ALCAM: variants seen among roughly 807,000 people sequenced by gnomAD.
ALCAM encodes the protein CD166 antigen.
A neutral mutation model predicts 70.9 loss-of-function variants in ALCAM; 30 were observed. The ratio of observed to expected loss-of-function variants is 0.42; its 90% CI spans 0.32 to 0.57. The LOEUF (loss-of-function observed/expected upper bound fraction) is 0.57, where lower values mean the gene tolerates loss of function less well. Ranked by LOEUF, ALCAM falls within the 20% of genes least tolerant of loss-of-function variation. ALCAM has a pLI of 0.11. For missense variants in ALCAM, 591 were observed against 695.1 expected (o/e 0.85, Z 1.68); for synonymous variants, 249 against 242.5 (o/e 1.03, Z -0.25).
intron 1 of ALCAM, among the ~76,000 whole-genome samples, chr3:105,379,532 T>C (rs1051341502): frequency 6.6e-6 from 1 of 151,858 alleles, no homozygotes; most frequent in Non-Finnish European, 1.5e-5. Flanking sequence ...TAATGCACTA[T>C]ATTATTCTCA....
At chr3:105,508,243 C>T in intron 1 of ALCAM, among the ~76,000 whole-genome samples, 2 of 152,202 alleles carry the variant, frequency 1.3e-5, no homozygotes, top group South Asian at 4.1e-4. Flanking sequence ...AAACAATATT[C>T]TTGAATTATC....
chr3:105,547,068 T>C (rs1176015160), intron 9 of ALCAM, 81 bp from the exon 10 acceptor site: 1 of 1,198,792 alleles, frequency 8.3e-7, no homozygotes, highest in African/African-American at 1.6e-5. Flanking sequence ...GAAGAATTGT[T>C]TTAGGCTTAA....
chr3:105,381,297 A>G (rs776703116), intron 1 of ALCAM, among the ~76,000 whole-genome samples: 1 of 152,128 alleles, frequency 6.6e-6, no homozygotes, highest in Non-Finnish European at 1.5e-5. Flanking sequence ...GATATTATAC[A>G]TAAAGAAGAG....
chr3:105,397,070 T>C (rs1029494361), intron 1 of ALCAM, among the ~76,000 whole-genome samples: 3 of 152,100 alleles, frequency 2.0e-5, no homozygotes, highest in African/African-American at 7.2e-5. Context: ...TCCCATTTTC[T>C]ACTAAAGTTT....
chr3:105,534,659 T>C lies in ALCAM; in HGVS notation c.548-4T>C, dbSNP rs368126568. On this transcript the variant is annotated splice_polypyrimidine_tract_variant and splice_region_variant and intron_variant, in intron 5 of 15. Coordinates refer to ENST00000306107, the MANE Select transcript of ALCAM (RefSeq NM_001627.4). ...CTATCATCAGTGTTCTTTATTTTCTTCAGCGGTGGTCATAATTTTTAAAAA... is the reference window on the plus strand; with the variant it reads ...CTATCATCAGTGTTCTTTATTTTCTCCAGCGGTGGTCATAATTTTTAAAAA... 6.6e-5 allele frequency: 107 copies of C among 1,613,172 alleles called. No individual in the cohort carries two copies. The highest frequency in any genetic ancestry group is 8.8e-5 in the Non-Finnish European group (104 of 1,179,400).
intron 3 of ALCAM, among the ~76,000 whole-genome samples, chr3:105,525,704 G>A (rs1939687631): frequency 6.6e-6 from 1 of 152,144 alleles, no homozygotes; most frequent in Admixed American, 6.5e-5. Flanking sequence ...AAGCTCCTAT[G>A]GGCTCATGAT....
chr3:105,430,089 A>T (rs556748540), intron 1 of ALCAM, among the ~76,000 whole-genome samples: 3 of 152,104 alleles, frequency 2.0e-5, no homozygotes, highest in East Asian at 3.9e-4. Flanking sequence ...TTTCATGGAC[A>T]CTATATTTTT....
chr3:105,519,375 GT>G (rs1939470620), intron 1 of ALCAM, among the ~76,000 whole-genome samples: 1 of 151,764 alleles, frequency 6.6e-6, no homozygotes, highest in African/African-American at 2.4e-5. Context: ...CAAAATTGTG[GT>G]TTAAATTATA....
intron 1 of ALCAM, among the ~76,000 whole-genome samples, chr3:105,377,222 A>G (rs566131715): frequency 6.6e-6 from 1 of 152,242 alleles, no homozygotes; most frequent in South Asian, 2.1e-4. Flanking sequence ...TACTATCATC[A>G]TTAATGTAAC....
intron 1 of ALCAM, among the ~76,000 whole-genome samples, chr3:105,511,652 A>G (rs905198794): frequency 5.3e-5 from 8 of 152,098 alleles, no homozygotes; most frequent in African/African-American, 1.7e-4. Flanking sequence ...TCTATTAAAT[A>G]GCTTTTTAAC....
chr3:105,371,067 C>A (rs1003572684), intron 1 of ALCAM, among the ~76,000 whole-genome samples: 1 of 152,088 alleles, frequency 6.6e-6, no homozygotes, highest in African/African-American at 2.4e-5. Flanking sequence ...AATATCTTGT[C>A]TTACCAGATT....
chr3:105,516,703 A>C (rs1164878198), intron 1 of ALCAM, among the ~76,000 whole-genome samples: 1 of 152,158 alleles, frequency 6.6e-6, no homozygotes, highest in Admixed American at 6.6e-5. Context: ...ATTTATAAAC[A>C]CATTTAATAC....
At chr3:105,469,891 A>G (rs1389014782) in intron 1 of ALCAM, among the ~76,000 whole-genome samples, 1 of 150,866 alleles carries the variant, frequency 6.6e-6, no homozygotes, top group Admixed American at 6.6e-5. Flanking sequence ...ATCATCTCAT[A>G]TTGGAACTTA....
At chr3:105,565,241 C>T (rs888778737) in intron 14 of ALCAM, among the ~76,000 whole-genome samples, 1 of 152,138 alleles carries the variant, frequency 6.6e-6, no homozygotes, top group Non-Finnish European at 1.5e-5. Context: ...TATGTTTACC[C>T]TCCTTTCTTC....
intron 1 of ALCAM, among the ~76,000 whole-genome samples, chr3:105,391,931 A>T (rs1186230549): frequency 6.6e-6 from 1 of 151,732 alleles, no homozygotes; most frequent in African/African-American, 2.4e-5. Context: ...AGCCAACTTG[A>T]TTGTGGTGGA....
intron 1 of ALCAM, among the ~76,000 whole-genome samples, chr3:105,397,165 G>A (rs948179299): frequency 1.3e-5 from 2 of 151,988 alleles, no homozygotes; most frequent in African/African-American, 4.8e-5. Context: ...TGCCTTTTGA[G>A]ATTAATAAAT....
intron 1 of ALCAM, among the ~76,000 whole-genome samples, chr3:105,516,767 C>A (rs1478404550): frequency 6.6e-6 from 1 of 152,042 alleles, no homozygotes; most frequent in East Asian, 1.9e-4. Context: ...ATACACACAG[C>A]CATAACACAT....
intron 3 of ALCAM, among the ~76,000 whole-genome samples, chr3:105,525,675 A>C (rs1268352121): frequency 3.9e-5 from 6 of 152,194 alleles, no homozygotes; most frequent in Non-Finnish European, 8.8e-5. Flanking sequence ...CTGTCCCTCA[A>C]GTATTTATAC....
chr3:105,397,156 G>A (rs1264191805), intron 1 of ALCAM, among the ~76,000 whole-genome samples: 3 of 151,946 alleles, frequency 2.0e-5, no homozygotes, highest in African/African-American at 7.2e-5. Context: ...CCATTACTCT[G>A]CCTTTTGAGA....
Sources: gnomAD v4.1 joint callset for allele counts (sites outside exome capture counted in the v4.1 genomes callset) on GRCh38, gnomAD v4.1.1 for gene constraint, MANE v1.5 for transcripts, NCBI Gene and HGNC (gene_info 2026-07-23, HGNC 2026-07-21) for gene names.